The following GCKR variants were observed in gnomAD, a reference collection of about 807,000 sequenced individuals.
GCKR encodes glucokinase regulator.
A neutral mutation model predicts 82.9 loss-of-function variants in GCKR; 73 were observed. That is an observed-to-expected ratio of 0.88 (90% CI 0.73 to 1.07). GCKR has a LOEUF of 1.07. Ranked by LOEUF, GCKR falls within the 50% of genes least tolerant of loss-of-function variation. The pLI is 0.00. For synonymous variants in GCKR, 294 were observed against 291.8 expected (o/e 1.01, Z -0.08); for missense variants, 784 against 782.1 (o/e 1.00, Z -0.03).
intron 16 of GCKR, among the ~76,000 whole-genome samples, chr2:27,515,589 G>A (rs1669982570): frequency 1.3e-5 from 2 of 151,980 alleles, no homozygotes; most frequent in Admixed American, 6.6e-5. Flanking sequence ...CATCTAAATT[G>A]TAAAGGAATT....
At chr2:27,522,756 A>T (rs1670181480) in intron 18 of GCKR, among the ~76,000 whole-genome samples, 162 bp downstream of exon 18, 1 of 152,126 alleles carries the variant, frequency 6.6e-6, no homozygotes, top group Admixed American at 6.5e-5. Context: ...GATGAATAGG[A>T]GTTTTCCTGG....
intron 3 of GCKR, among the ~76,000 whole-genome samples, 165 bp downstream of exon 3, chr2:27,497,795 C>A (rs752365904): frequency 1.1e-4 from 17 of 152,130 alleles, no homozygotes; most frequent in Non-Finnish European, 2.2e-4. Flanking sequence ...ATAATGATAA[C>A]TTCTCTGCTT....
chr2:27,514,647 G>T (rs1403765281), intron 16 of GCKR, among the ~76,000 whole-genome samples: 1 of 152,126 alleles, frequency 6.6e-6, no homozygotes, highest in Non-Finnish European at 1.5e-5. Flanking sequence ...TCCTATGTAG[G>T]ACATATAGGT....
chr2:27,504,379 C>T (rs1451037249), intron 9 of GCKR, among the ~76,000 whole-genome samples: 3 of 143,538 alleles, frequency 2.1e-5, no homozygotes, highest in Non-Finnish European at 4.5e-5. Flanking sequence ...TTTTTTGAGA[C>T]GAAATCTTGC....
chr2:27,523,516 G>A lies in GCKR; in HGVS notation c.*77G>A. ...AGCCCGCCCAAGGGGACTTGTGCCA[G>A]CAGAACATGTGGGAGGAAGAAGCCC... On this transcript the variant is annotated 3_prime_UTR_variant, in exon 19 of 19. Coordinates refer to ENST00000264717, the MANE Select transcript of GCKR (RefSeq NM_001486.4). The A allele has an allele frequency of 1.4e-6, 2 of 1,443,606 alleles. No homozygotes were observed. The highest frequency in any genetic ancestry group is 1.9e-6 in the Non-Finnish European group (2 of 1,039,984). 89.4% of individuals were successfully genotyped at this position (1,443,606 alleles called of 1,614,324 possible). A position where few individuals can be genotyped will look rare whatever the true frequency, so the allele number is the denominator to read the frequency against.
At chr2:27,505,178 C>T (rs1293469946) in intron 9 of GCKR, among the ~76,000 whole-genome samples, 31 of 128,404 alleles carry the variant, frequency 2.4e-4, no homozygotes, top group Admixed American at 8.2e-4. Flanking sequence ...GGGCGAATCA[C>T]GAGGTCAGGA....
intron 4 of GCKR, 54 bp downstream of exon 4, chr2:27,498,377 C>T: frequency 2.2e-6 from 3 of 1,355,074 alleles, no homozygotes; most frequent in Non-Finnish European, 2.1e-6. Context: ...AGGTGACCCT[C>T]AGGACCATAA....
rs545135767 is a variant in GCKR at position 27,503,763 on chromosome 2, C to G, written c.750+144C>G. 6.4e-5 allele frequency: 43 copies of G among 667,852 alleles called. No individual in the cohort carries two copies. The East Asian group carries it at 1.1e-3, about 17-fold the overall frequency. The allele number at this position is 667,852 out of a possible 1,614,324, so 41.4% of individuals were successfully genotyped here. ...GTGAGTCAGCTAAAATGTTATAAACCAAATCCTATTTTCCCATTTACATTT... is the reference window on the plus strand; with the variant it reads ...GTGAGTCAGCTAAAATGTTATAAACGAAATCCTATTTTCCCATTTACATTT... On this transcript the variant is annotated intron_variant, in intron 9 of 18. Transcript: ENST00000264717.
At chr2:27,507,444 G>A (rs1339777310) in intron 13 of GCKR, 133 bp downstream of exon 13, 18 of 765,858 alleles carry the variant, frequency 2.4e-5, no homozygotes, top group Non-Finnish European at 3.7e-5. Context: ...TGGGTCAGAA[G>A]TCATGAGGCT....
At chr2:27,504,970 A>C (rs1669677963) in intron 9 of GCKR, among the ~76,000 whole-genome samples, 1 of 151,882 alleles carries the variant, frequency 6.6e-6, no homozygotes, top group Admixed American at 6.6e-5. Context: ...TACCAAAAAT[A>C]CAAAAATTAG....
intron 12 of GCKR, 100 bp downstream of exon 12, chr2:27,506,985 C>T (rs953556335): frequency 2.4e-6 from 2 of 837,058 alleles, no homozygotes; most frequent in African/African-American, 3.3e-5. Context: ...GGGTGTTCCT[C>T]AGTGTCCCAC....
chr2:27,514,516 A>G lies in GCKR; in HGVS notation c.1423-4272A>G, dbSNP rs8179227. Among the ~76,000 whole-genome samples, 407 of 152,312 alleles carry G rather than the reference A, an allele frequency of 2.7e-3. 2 individuals carry two copies. The highest frequency in any genetic ancestry group is 9.4e-3 in the African/African-American group (391 of 41,570). On this transcript the variant is annotated intron_variant, in intron 16 of 18. Transcript: ENST00000264717. The stretch of plus-strand genomic sequence containing the variant: ...CTTCCTATACAAAAGGCAGTCTACT[A>G]TACTCTTTTGTGCTTTAAGAAGATA...
intron 16 of GCKR, among the ~76,000 whole-genome samples, chr2:27,516,763 A>G (rs1356523720): frequency 3.9e-5 from 6 of 152,012 alleles, no homozygotes; most frequent in African/African-American, 1.5e-4. Flanking sequence ...GATCTAATTG[A>G]CCTCTCTCCC....
chr2:27,514,834 C>T (rs890381097), intron 16 of GCKR, among the ~76,000 whole-genome samples: 3 of 152,162 alleles, frequency 2.0e-5, no homozygotes, highest in Non-Finnish European at 4.4e-5. Context: ...TACTATTTTG[C>T]TTTCCATACC....
chr2:27,519,806 GC>G (rs1398540490), intron 17 of GCKR, among the ~76,000 whole-genome samples: 2 of 152,092 alleles, frequency 1.3e-5, no homozygotes, highest in African/African-American at 4.8e-5. Context: ...GGGATGCTCT[GC>G]CCAGTCTGGA....
chr2:27,508,616 G>A (rs1461940570), intron 16 of GCKR, among the ~76,000 whole-genome samples: 3 of 152,268 alleles, frequency 2.0e-5, no homozygotes, highest in African/African-American at 7.2e-5. Flanking sequence ...TGCCTCTTGG[G>A]TTCAAGTGAT....
In GCKR at chr2:27,522,478, A is replaced by G. The variant is rs747561524; in HGVS notation, c.1591A>G (p.Lys531Glu). ...AMLQRFSGQS[K>E]ARCIESLLRA... Reference sequence around the variant, plus strand: ...TCCTTAGCGGTTCTCTGGACAGTCCAAGGCTCGATGCATCGAGAGCCTCCT... The same window carrying G: ...TCCTTAGCGGTTCTCTGGACAGTCCGAGGCTCGATGCATCGAGAGCCTCCT... The change falls in exon 18 of 19, where the codon AAG becomes GAG. Residue 531 changes from lysine to glutamate, a missense_variant. Lys to Glu is a moderately conservative substitution (Grantham distance 56). Transcript: ENST00000264717. 1.8e-5 allele frequency: 29 copies of G among 1,613,702 alleles called. No individual in the cohort carries two copies. Among genetic ancestry groups the G allele is most frequent in the Non-Finnish European group, 2.4e-5 (28 of 1,179,794 alleles).
intron 16 of GCKR, among the ~76,000 whole-genome samples, chr2:27,517,533 G>GC (rs1485231345): frequency 6.6e-6 from 1 of 152,092 alleles, no homozygotes; most frequent in Non-Finnish European, 1.5e-5. Flanking sequence ...AACGCCCCCT[G>GC]CCCCCCATGA....
intron 16 of GCKR, among the ~76,000 whole-genome samples, chr2:27,515,745 GTA>G (rs528066615): frequency 0.094 from 12,102 of 128,684 alleles, 629 homozygotes; most frequent in East Asian, 0.34. Context: ...CCAATTGTTC[GTA>G]TATATATATA....
Sources: allele counts gnomAD v4.1 joint callset (sites outside exome capture counted in the v4.1 genomes callset), GRCh38; gene constraint gnomAD v4.1.1; transcripts MANE v1.5; gene names NCBI Gene and HGNC (gene_info 2026-07-23, HGNC 2026-07-21).